ABCC4: variants seen among roughly 807,000 people sequenced by gnomAD.
ABCC4 encodes the protein ATP binding cassette subfamily C member 4 (PEL blood group), also known as ATP-binding cassette sub-family C member 4.
A neutral mutation model predicts 168.5 loss-of-function variants in ABCC4; 102 were observed. That is an observed-to-expected ratio of 0.61 (90% CI 0.52 to 0.71). The LOEUF (loss-of-function observed/expected upper bound fraction) is 0.71. Ranked by LOEUF, ABCC4 falls within the 30% of genes least tolerant of loss-of-function variation. The pLI is 0.00. For synonymous variants in ABCC4, 617 were observed against 590.7 expected (o/e 1.04, Z -0.65); for missense variants, 1,402 against 1,605.8 (o/e 0.87, Z 2.17).
chr13:95,207,986 C>CA, intron 6 of ABCC4, 61 bp from the exon 7 acceptor site: 1 of 1,566,976 alleles, frequency 6.4e-7, no homozygotes, highest in Non-Finnish European at 8.6e-7. Flanking sequence ...TTATCAGCGG[C>CA]AGGCACAGGC....
At chr13:95,108,087 G>A (rs1449119958) in intron 20 of ABCC4, among the ~76,000 whole-genome samples, 1 of 152,126 alleles carries the variant, frequency 6.6e-6, no homozygotes, top group African/African-American at 2.4e-5. Flanking sequence ...ATTTAAATGA[G>A]TAGTCTCCAC....
At chr13:95,052,036 A>C (rs991632018) in intron 27 of ABCC4, among the ~76,000 whole-genome samples, 1 of 151,804 alleles carries the variant, frequency 6.6e-6, no homozygotes, top group African/African-American at 2.4e-5. Context: ...ATGGGAGTGC[A>C]GTGGCACGAT....
In ABCC4 at chr13:95,029,604, C is replaced by T. The variant is rs1405116986; in HGVS notation, c.3870+5001G>A. ...ACATGAGCATATATCATTTGGTAAGCTGATTCTTAAAAATAATTTGTAATT... is the reference window on the plus strand; with the variant it reads ...ACATGAGCATATATCATTTGGTAAGTTGATTCTTAAAAATAATTTGTAATT... On this transcript the variant is annotated intron_variant, in intron 30 of 30. Coordinates refer to ENST00000645237, the MANE Select transcript of ABCC4 (RefSeq NM_005845.5). Among the ~76,000 whole-genome samples, 3 of 152,190 alleles carry T rather than the reference C, an allele frequency of 2.0e-5. No individual in the cohort carries two copies. In the East Asian group the frequency reaches 5.8e-4, roughly 29 times the overall value.
chr13:95,087,199 G>T (rs924919252), intron 20 of ABCC4, among the ~76,000 whole-genome samples: 1 of 152,094 alleles, frequency 6.6e-6, no homozygotes, highest in African/African-American at 2.4e-5. Flanking sequence ...GGGAACACAT[G>T]AGACTAAAAC....
chr13:95,149,828 T>C (rs10508022), intron 19 of ABCC4, among the ~76,000 whole-genome samples: 11,231 of 152,260 alleles, frequency 0.074, 539 homozygotes, highest in South Asian at 0.13. Context: ...TCTTCTATTA[T>C]GTGCTTCAAT....
At chr13:95,124,199 TG>T (rs2035671680) in intron 19 of ABCC4, among the ~76,000 whole-genome samples, 2 of 152,126 alleles carry the variant, frequency 1.3e-5, no homozygotes, top group African/African-American at 2.4e-5. Flanking sequence ...TTTGGAGAGA[TG>T]GACGTTTTAC....
At chr13:95,292,997 G>A (rs1016821601) in intron 1 of ABCC4, among the ~76,000 whole-genome samples, 1 of 152,118 alleles carries the variant, frequency 6.6e-6, no homozygotes, top group Non-Finnish European at 1.5e-5. Context: ...CCGGCTGGCA[G>A]GGACGACATA....
intron 19 of ABCC4, among the ~76,000 whole-genome samples, chr13:95,116,455 A>AT (rs4148520): frequency 6.6e-6 from 1 of 151,422 alleles, no homozygotes; most frequent in Admixed American, 6.6e-5. Context: ...TAACCTCTGT[A>AT]TTTTTTTTTC....
intron 19 of ABCC4, among the ~76,000 whole-genome samples, chr13:95,138,082 T>C (rs1423683585): frequency 6.6e-6 from 1 of 152,200 alleles, no homozygotes; most frequent in Non-Finnish European, 1.5e-5. Flanking sequence ...AGAGTACTAA[T>C]GAAACTTTTA....
At chr13:95,125,888 G>A (rs1445310361) in intron 19 of ABCC4, among the ~76,000 whole-genome samples, 1 of 152,172 alleles carries the variant, frequency 6.6e-6, no homozygotes, top group Non-Finnish European at 1.5e-5. Context: ...GAGTGAACCT[G>A]GCCCAGCCTC....
intron 1 of ABCC4, among the ~76,000 whole-genome samples, chr13:95,259,473 C>G (rs762842335): frequency 9.9e-5 from 15 of 152,090 alleles, no homozygotes; most frequent in Non-Finnish European, 1.9e-4. Flanking sequence ...CTGAAAAACT[C>G]TTTGTTGGGG....
chr13:95,266,866 A>C (rs948643313), intron 1 of ABCC4, among the ~76,000 whole-genome samples: 84 of 115,570 alleles, frequency 7.3e-4, no homozygotes, highest in East Asian at 1.5e-3. Flanking sequence ...CTCTGTCTCC[A>C]CTCAAATCTC....
At chr13:95,299,848 C>T (rs1160256663) in intron 1 of ABCC4, among the ~76,000 whole-genome samples, 13 of 152,074 alleles carry the variant, frequency 8.5e-5, no homozygotes, top group Admixed American at 7.2e-4. Flanking sequence ...CACACACACC[C>T]GCCACTCCCC....
At chr13:95,095,292 A>G (rs560750715) in intron 20 of ABCC4, among the ~76,000 whole-genome samples, 1 of 136,538 alleles carries the variant, frequency 7.3e-6, no homozygotes, top group Non-Finnish European at 1.6e-5. Context: ...GAGATTATCT[A>G]TCTATCTATC....
chr13:95,237,468 C>T (rs1462789396), intron 3 of ABCC4, among the ~76,000 whole-genome samples: 1 of 152,172 alleles, frequency 6.6e-6, no homozygotes, highest in Non-Finnish European at 1.5e-5. Context: ...AAGAGTCTTT[C>T]CACAAACAAG....
At chr13:95,215,914 GAAAC>G (rs111916560) in intron 4 of ABCC4, among the ~76,000 whole-genome samples, 9,932 of 151,670 alleles carry the variant, frequency 0.065, 674 homozygotes, top group African/African-American at 0.17. Flanking sequence ...CAACACCAAA[GAAAC>G]AAACAAACAA....
At chr13:95,260,776 T>C (rs1324322815) in intron 1 of ABCC4, among the ~76,000 whole-genome samples, 1 of 152,112 alleles carries the variant, frequency 6.6e-6, no homozygotes, top group Non-Finnish European at 1.5e-5. Context: ...AAATTGTGAA[T>C]GTTTTTAAGC....
chr13:95,086,237 A>C (rs1267679053), intron 20 of ABCC4, among the ~76,000 whole-genome samples: 1 of 152,162 alleles, frequency 6.6e-6, no homozygotes, highest in Non-Finnish European at 1.5e-5. Context: ...ATATTTGCTA[A>C]TAGAACATGG....
At chr13:95,232,808 G>C (rs2039660821) in intron 4 of ABCC4, among the ~76,000 whole-genome samples, 1 of 152,122 alleles carries the variant, frequency 6.6e-6, no homozygotes, top group South Asian at 2.1e-4. Context: ...AAAGCAACCA[G>C]AAATCCCACT....
Sources: allele counts gnomAD v4.1 joint callset (sites outside exome capture counted in the v4.1 genomes callset), GRCh38; gene constraint gnomAD v4.1.1; transcripts MANE v1.5; gene names NCBI Gene and HGNC (gene_info 2026-07-23, HGNC 2026-07-21).